FAM107B: variants seen among roughly 807,000 people sequenced by gnomAD.
FAM107B encodes protein FAM107B.
FAM107B carries 21 observed loss-of-function variants against 31.5 expected under a neutral mutation model. The ratio of observed to expected loss-of-function variants is 0.67; its 90% confidence interval spans 0.47 to 0.96. FAM107B has a LOEUF of 0.96. FAM107B is among the 40% of genes least tolerant of loss of function. The probability of loss-of-function intolerance (pLI) is 0.00; values close to 1 mark genes in which losing one functional copy is unlikely to be tolerated. For synonymous variants in FAM107B, 157 were observed against 141.5 expected, an observed-to-expected ratio of 1.11 and a Z score of -0.78; for missense variants, 452 against 377.1, an observed-to-expected ratio of 1.20 and a Z score of -1.64.
At chr10:14,699,605 G>A (rs549013511) in intron 1 of FAM107B, among the ~76,000 whole-genome samples, 4 of 152,312 alleles carry the variant, frequency 2.6e-5, no homozygotes, top group Non-Finnish European at 4.4e-5. Context: ...GCAAGGGATA[G>A]CTACTTTACT....
intron 2 of FAM107B, among the ~76,000 whole-genome samples, chr10:14,576,310 C>T (rs1564582415): frequency 6.6e-6 from 1 of 152,094 alleles, no homozygotes; most frequent in South Asian, 2.1e-4. Flanking sequence ...GGGTGGATCA[C>T]GAGGTCAGGA....
chr10:14,589,200 A>C (rs1851940918), intron 2 of FAM107B, among the ~76,000 whole-genome samples: 1 of 152,142 alleles, frequency 6.6e-6, no homozygotes, highest in East Asian at 1.9e-4. Flanking sequence ...AAGAAAAAAA[A>C]GAGTAAGTGG....
At chr10:14,545,874 C>A (rs141471115) in intron 2 of FAM107B, among the ~76,000 whole-genome samples, 228 of 152,286 alleles carry the variant, frequency 1.5e-3, no homozygotes, top group African/African-American at 5.3e-3. Flanking sequence ...CTCGGTCATT[C>A]ATCTCAGGAA....
intron 1 of FAM107B, among the ~76,000 whole-genome samples, chr10:14,670,036 C>A (rs965953116): frequency 6.6e-6 from 1 of 152,124 alleles, no homozygotes; most frequent in Non-Finnish European, 1.5e-5. Flanking sequence ...ATCACAAGTA[C>A]CCCATGAATA....
rs1446981296 is a variant in FAM107B, at chr10:14,629,480, A to ATATATT, written c.469+38153_469+38154insAATATA. 8.6e-4 allele frequency among the ~76,000 whole-genome samples: 94 copies of ATATATT among 108,970 alleles called. 4 individuals are homozygous for ATATATT. The highest frequency in any genetic ancestry group is 3.6e-3 in the African/African-American group (89 of 25,066). 71.5% of individuals were successfully genotyped at this position (108,970 alleles called of 152,430 possible). A position where few individuals can be genotyped will look rare whatever the true frequency, so the allele number is the denominator to read the frequency against. ...TATTATATATATATTTAATATATAT[A>ATATATT]TAACATATATAATATATATATATTT... On this transcript the variant is annotated intron_variant, in intron 2 of 4. Transcript: ENST00000181796.
chr10:14,729,461 A>G (rs1196537154), intron 1 of FAM107B, among the ~76,000 whole-genome samples: 3 of 151,338 alleles, frequency 2.0e-5, no homozygotes, highest in African/African-American at 7.3e-5. Flanking sequence ...CAAATTAGCC[A>G]GAGTTCATGC....
intron 2 of FAM107B, among the ~76,000 whole-genome samples, chr10:14,657,314 G>A (rs1008126529): frequency 2.6e-5 from 4 of 152,182 alleles, no homozygotes; most frequent in Non-Finnish European, 5.9e-5. Context: ...AACAGATTCG[G>A]CCTAGGAGGG....
chr10:14,769,141 G>A (rs1833245257), intron 1 of FAM107B, among the ~76,000 whole-genome samples: 1 of 152,194 alleles, frequency 6.6e-6, no homozygotes. Flanking sequence ...CAGCAACACA[G>A]GGAGTCTCTA....
At chr10:14,674,627 A>G (rs1468071438) in intron 1 of FAM107B, among the ~76,000 whole-genome samples, 1 of 152,216 alleles carries the variant, frequency 6.6e-6, no homozygotes, top group Non-Finnish European at 1.5e-5. Flanking sequence ...TGACAGGTTA[A>G]TAATTGTCTC....
intron 1 of FAM107B, among the ~76,000 whole-genome samples, chr10:14,737,766 T>TTCTCTCTCTCTCTCTCATCCTCTC (rs1856337066): frequency 7.9e-6 from 1 of 127,050 alleles, no homozygotes; most frequent in African/African-American, 3.2e-5. Flanking sequence ...CGTGCACGCT[T>TTCTCTCTCTCTCTCTCATCCTCTC]TCTCTCTCTC....
chr10:14,634,480 G>T (rs1853446961), intron 2 of FAM107B, among the ~76,000 whole-genome samples: 2 of 152,032 alleles, frequency 1.3e-5, no homozygotes, highest in African/African-American at 4.8e-5. Flanking sequence ...GGGTTTATTT[G>T]CATGGAAATA....
At chr10:14,584,330 T>C (rs1175098480) in intron 2 of FAM107B, among the ~76,000 whole-genome samples, 1 of 152,158 alleles carries the variant, frequency 6.6e-6, no homozygotes, top group Non-Finnish European at 1.5e-5. Context: ...AAACGCAGTG[T>C]ATAACCAAGT....
At chr10:14,670,431 A>G (rs1467740211) in intron 1 of FAM107B, among the ~76,000 whole-genome samples, 1 of 152,232 alleles carries the variant, frequency 6.6e-6, no homozygotes, top group East Asian at 1.9e-4. Context: ...AAGCCCCATC[A>G]CACAGCAAAT....
At chr10:14,743,323 T>C (rs1040576287) in intron 1 of FAM107B, among the ~76,000 whole-genome samples, 1 of 152,236 alleles carries the variant, frequency 6.6e-6, no homozygotes, top group African/African-American at 2.4e-5. Flanking sequence ...TTTGCTCTGA[T>C]GATAGTTTCT....
intron 2 of FAM107B, among the ~76,000 whole-genome samples, chr10:14,545,954 A>G (rs150815061): frequency 6.6e-6 from 1 of 152,334 alleles, no homozygotes; most frequent in East Asian, 1.9e-4. Context: ...AGGAAAATAC[A>G]CAGACCACGA....
chr10:14,765,900 C>G (rs953898938), intron 1 of FAM107B, among the ~76,000 whole-genome samples: 22 of 152,014 alleles, frequency 1.4e-4, no homozygotes, highest in Admixed American at 1.4e-3. Flanking sequence ...CAGAGCTGAT[C>G]CCAGTAGAGC....
chr10:14,543,703 A>AC lies in FAM107B; in HGVS notation c.470-13189_470-13188insG, dbSNP rs1434491770. Among the ~76,000 whole-genome samples, 551 of 151,782 alleles carry AC rather than the reference A, an allele frequency of 3.6e-3. 1 individual carries two copies. Among genetic ancestry groups the AC allele is most frequent in the Non-Finnish European group, 5.7e-3 (389 of 67,908 alleles). On this transcript the variant is annotated intron_variant, in intron 2 of 4. Transcript: ENST00000181796. ...ATCCTAAAAACTTTAAAAAAAAAAA[A>AC]AAAAAACCAAAAACTCTCATATGGT...
chr10:14,755,535 C>A (rs1033556825), intron 1 of FAM107B, among the ~76,000 whole-genome samples: 88 of 151,834 alleles, frequency 5.8e-4, no homozygotes, highest in African/African-American at 2.0e-3. Context: ...AAGTAAGATT[C>A]CCCAGGCAAA....
Position 14,689,784 on chromosome 10 carries a change from G to A in FAM107B, c.412-22093C>T, listed in dbSNP as rs914170655. On this transcript the variant is annotated intron_variant, in intron 1 of 4. Coordinates refer to ENST00000181796, the MANE Select transcript of FAM107B (RefSeq NM_031453.4). ...GAGACAAACCTGGGCAATATAGCAA[G>A]AGCCCATCTCTACAAAACAAAATTT... is the stretch of plus-strand genomic sequence containing the variant. Among the ~76,000 whole-genome samples, 4 of 151,980 alleles carry A rather than the reference G, an allele frequency of 2.6e-5. No homozygotes were observed. In the East Asian group the frequency reaches 5.8e-4, roughly 22 times the overall value.
Sources: gnomAD v4.1 joint callset for allele counts (sites outside exome capture counted in the v4.1 genomes callset) on GRCh38, gnomAD v4.1.1 for gene constraint, MANE v1.5 for transcripts, NCBI Gene and HGNC (gene_info 2026-07-23, HGNC 2026-07-21) for gene names.